The following SULT2B1 variants were observed in gnomAD, a reference collection of about 807,000 sequenced individuals.
The protein encoded by SULT2B1 is sulfotransferase family 2B member 1.
SULT2B1 carries 16 observed loss-of-function variants against 33.2 expected under a neutral mutation model. The observed-to-expected ratio is 0.48, with a 90% CI of 0.33 to 0.73. The LOEUF is 0.73. SULT2B1 is among the 30% of genes least tolerant of loss of function. SULT2B1 has a pLI of 0.02. For missense variants in SULT2B1, 500 were observed against 506.0 expected (o/e 0.99, Z 0.11); for synonymous variants, 186 against 200.5 (o/e 0.93, Z 0.61).
At chr19:48,555,406 C>T (rs1191835523) in intron 1 of SULT2B1, among the ~76,000 whole-genome samples, 1 of 151,922 alleles carries the variant, frequency 6.6e-6, no homozygotes, top group African/African-American at 2.4e-5. Flanking sequence ...TACTCTATTA[C>T]TTTGAATTCC....
Position 48,587,351 on chromosome 19 carries a change from C to G in SULT2B1, c.337C>G (p.Leu113Val). 1 of 1,614,106 alleles carries G rather than the reference C, an allele frequency of 6.2e-7. No individual in the cohort carries two copies. Among genetic ancestry groups the G allele is most frequent in the African/African-American group, 1.3e-5 (1 of 75,040 alleles). Reference sequence around the variant, plus strand: ...TGAGACCATTGTGGGTGCCTTCAGCCTCCCGGACCAGTACAGCCCCCGCCT... The same window carrying G: ...TGAGACCATTGTGGGTGCCTTCAGCGTCCCGGACCAGTACAGCCCCCGCCT... ...WCETIVGAFS[L>V]PDQYSPRLMS... The change falls in exon 3 of 7, where the codon CTC becomes GTC. Residue 113 changes from leucine (L) to valine (V), a missense_variant. Coordinates refer to ENST00000201586, the MANE Select transcript of SULT2B1 (RefSeq NM_177973.2).
intron 2 of SULT2B1, among the ~76,000 whole-genome samples, chr19:48,586,004 C>T (rs1418602578): frequency 1.3e-4 from 19 of 151,988 alleles, no homozygotes; most frequent in Non-Finnish European, 1.5e-5. Context: ...ATTGCTTGAG[C>T]CCAGGAGTTC....
intron 2 of SULT2B1, among the ~76,000 whole-genome samples, chr19:48,578,875 C>T (rs1056708469): frequency 1.3e-5 from 2 of 151,884 alleles, no homozygotes; most frequent in African/African-American, 4.8e-5. Flanking sequence ...GACCCTGTCT[C>T]AAAAACCAAA....
intron 2 of SULT2B1, among the ~76,000 whole-genome samples, chr19:48,577,061 A>T: frequency 1.0e-5 from 1 of 99,792 alleles, no homozygotes; most frequent in African/African-American, 4.1e-5. Flanking sequence ...TTTGTGACGG[A>T]GTCTCTCTGT....
chr19:48,561,128 G>A (rs1434151092), intron 1 of SULT2B1, among the ~76,000 whole-genome samples: 1 of 148,708 alleles, frequency 6.7e-6, no homozygotes, highest in Admixed American at 6.7e-5. Context: ...GCAAGATCTT[G>A]TCTCAAAAAA....
At chr19:48,588,610 A>G (rs1170826491) in intron 3 of SULT2B1, among the ~76,000 whole-genome samples, 1 of 146,424 alleles carries the variant, frequency 6.8e-6, no homozygotes, top group Non-Finnish European at 1.5e-5. Flanking sequence ...TTTAACATAT[A>G]ATAACATAAT....
intron 1 of SULT2B1, among the ~76,000 whole-genome samples, chr19:48,567,364 C>G (rs1207823114): frequency 2.6e-5 from 4 of 151,360 alleles, no homozygotes; most frequent in Admixed American, 1.3e-4. Context: ...GAGTTTGAGA[C>G]CAGCCTGACC....
At chr19:48,578,304 G>A (rs891637282) in intron 2 of SULT2B1, among the ~76,000 whole-genome samples, 2 of 151,906 alleles carry the variant, frequency 1.3e-5, no homozygotes, top group Non-Finnish European at 2.9e-5. Context: ...ATTTTCAGCC[G>A]AGCACAGTGG....
At chr19:48,591,450 G>A (rs1973641249) in intron 3 of SULT2B1, among the ~76,000 whole-genome samples, 159 bp from the exon 4 acceptor site, 1 of 151,782 alleles carries the variant, frequency 6.6e-6, no homozygotes, top group Non-Finnish European at 1.5e-5. Flanking sequence ...CAGCCTGGGC[G>A]AAACAGAGTC....
At chr19:48,583,719 G>A (rs1317108266) in intron 2 of SULT2B1, among the ~76,000 whole-genome samples, 1 of 152,214 alleles carries the variant, frequency 6.6e-6, no homozygotes, top group Non-Finnish European at 1.5e-5. Flanking sequence ...TTGGGAAGCT[G>A]AGGCATGAGA....
At chr19:48,569,148 C>T (rs1051405093) in intron 1 of SULT2B1, among the ~76,000 whole-genome samples, 11 of 151,064 alleles carry the variant, frequency 7.3e-5, no homozygotes, top group Admixed American at 6.6e-4. Flanking sequence ...CGAGACCATC[C>T]TGGGTAACAT....
At chr19:48,565,123 G>A (rs765661057) in intron 1 of SULT2B1, among the ~76,000 whole-genome samples, 4 of 151,372 alleles carry the variant, frequency 2.6e-5, no homozygotes, top group African/African-American at 7.3e-5. Flanking sequence ...ACAGGGTTTC[G>A]CCATGTTAGA....
chr19:48,589,231 G>A (rs1356534625), intron 3 of SULT2B1, among the ~76,000 whole-genome samples: 1 of 152,080 alleles, frequency 6.6e-6, no homozygotes, highest in Non-Finnish European at 1.5e-5. Flanking sequence ...GACTGGATGT[G>A]GGTGTGAGAG....
At chr19:48,568,731 G>A (rs1016764268) in intron 1 of SULT2B1, among the ~76,000 whole-genome samples, 4 of 152,162 alleles carry the variant, frequency 2.6e-5, no homozygotes, top group Admixed American at 1.3e-4. Context: ...CTCCAAAGGC[G>A]AGTTGATCAC....
chr19:48,578,118 C>T (rs979781009), intron 2 of SULT2B1, among the ~76,000 whole-genome samples: 1 of 151,656 alleles, frequency 6.6e-6, no homozygotes, highest in Non-Finnish European at 1.5e-5. Context: ...GAGGCTGAGG[C>T]AGGAGGATCA....
At position 48,592,109 on chromosome 19, in the gene SULT2B1, T is replaced by C. The variant is rs371180654; in HGVS notation, c.550+374T>C. 2.6e-3 allele frequency among the ~76,000 whole-genome samples: 399 copies of C among 151,812 alleles called. 3 individuals carry two copies. Among genetic ancestry groups the C allele is most frequent in the African/African-American group, 9.0e-3 (373 of 41,394 alleles). On this transcript the variant is annotated intron_variant, in intron 4 of 6. Coordinates refer to ENST00000201586, the MANE Select transcript of SULT2B1 (RefSeq NM_177973.2). ...GAGATTGAGACCATCCTGGCTAACA[T>C]GGTGAAACCCCGTCTCTACTAAAAA... is the stretch of plus-strand genomic sequence containing the variant.
In SULT2B1 at chr19:48,584,527, T is replaced by C. The variant is rs541605149; in HGVS notation, c.215-2702T>C. On this transcript the variant is annotated intron_variant, in intron 2 of 6. Coordinates refer to ENST00000201586, the MANE Select transcript of SULT2B1 (RefSeq NM_177973.2). ...AAATGTTTACAGGGTCCAGCTCCAA[T>C]ATCACAAAAACGGCAGAGAGGCATG... 1.0e-4 allele frequency among the ~76,000 whole-genome samples: 14 copies of C among 140,426 alleles called. No individual in the cohort carries two copies. In the South Asian group the frequency reaches 2.1e-3, roughly 21 times the overall value. 92.1% of individuals were successfully genotyped at this position (140,426 alleles called of 152,430 possible).
At chr19:48,583,394 A>ATAG (rs1311931629) in intron 2 of SULT2B1, among the ~76,000 whole-genome samples, 5 of 152,358 alleles carry the variant, frequency 3.3e-5, no homozygotes, top group African/African-American at 1.2e-4. Flanking sequence ...ATATTTGTAC[A>ATAG]CCAATGTTCA....
intron 1 of SULT2B1, chr19:48,575,672 GGTT>G (rs1479464937): frequency 6.0e-6 from 2 of 332,018 alleles, no homozygotes; most frequent in African/African-American, 4.3e-5. Context: ...GTAGGGGCGG[GGTT>G]TCACCATGTT....
Sources: allele counts gnomAD v4.1 joint callset (sites outside exome capture counted in the v4.1 genomes callset), GRCh38; gene constraint gnomAD v4.1.1; transcripts MANE v1.5; gene names NCBI Gene and HGNC (gene_info 2026-07-23, HGNC 2026-07-21).